Variants in CNTN4 observed in about 807,000 individuals in gnomAD.
CNTN4 encodes contactin 4.
Under a neutral mutation model 122.5 loss-of-function variants are expected in CNTN4, and 77 were observed. The observed-to-expected ratio is 0.63, with a 90% confidence interval of 0.52 to 0.76. CNTN4 has a LOEUF of 0.76. Among genes scored for constraint, CNTN4 ranks in the 30% least tolerant of loss-of-function variants. CNTN4 has a pLI of 0.00. For synonymous variants in CNTN4, 512 were observed against 447.0 expected, an observed-to-expected ratio of 1.15 and a Z score of -1.83; for missense variants, 1,256 against 1,259.1, an observed-to-expected ratio of 1.00 and a Z score of 0.04.
intron 2 of CNTN4, among the ~76,000 whole-genome samples, chr3:2,247,353 G>A (rs1255884516): frequency 6.6e-6 from 1 of 152,078 alleles, no homozygotes; most frequent in Admixed American, 6.6e-5. Context: ...ACTTTTCTGT[G>A]CTTGGTTGGT....
chr3:2,655,503 T>G (rs9942085), intron 4 of CNTN4, among the ~76,000 whole-genome samples: 37,641 of 152,048 alleles, frequency 0.25, 5,036 homozygotes, highest in African/African-American at 0.35. Flanking sequence ...GCATTATCTC[T>G]CATTCATCTA....
At chr3:2,879,310 C>CA (rs965655408) in intron 8 of CNTN4, among the ~76,000 whole-genome samples, 23 of 152,088 alleles carry the variant, frequency 1.5e-4, no homozygotes, top group Non-Finnish European at 3.1e-4. Context: ...AGGATTCTGC[C>CA]CAGAGTCTCA....
At chr3:3,023,188 G>A (rs138603187) in intron 14 of CNTN4, among the ~76,000 whole-genome samples, 1 of 152,242 alleles carries the variant, frequency 6.6e-6, no homozygotes, top group African/African-American at 2.4e-5. Flanking sequence ...AAACCAAGTC[G>A]CTAATGAGAT....
chr3:2,705,330 T>G (rs1416540748), intron 4 of CNTN4, among the ~76,000 whole-genome samples: 1 of 137,892 alleles, frequency 7.3e-6, no homozygotes, highest in Non-Finnish European at 1.5e-5. Context: ...ATTGTGCCAC[T>G]GCACTCCAGC....
At chr3:2,804,414 T>A (rs1180878459) in intron 6 of CNTN4, among the ~76,000 whole-genome samples, 1 of 152,222 alleles carries the variant, frequency 6.6e-6, no homozygotes, top group Non-Finnish European at 1.5e-5. Context: ...TTGAGCAAAT[T>A]ATTTTGCTGT....
Position 2,270,241 on chromosome 3 carries a change from G to C in CNTN4, c.-144-68937G>C, listed in dbSNP as rs185571654. Among the ~76,000 whole-genome samples the C allele has an allele frequency of 5.4e-5, 2 of 36,832 alleles. 1 individual carries two copies. Among genetic ancestry groups the C allele is most frequent in the South Asian group, 3.0e-3 (2 of 674 alleles). 24.2% of individuals were successfully genotyped at this position (36,832 alleles called of 152,430 possible). A position where few individuals can be genotyped will look rare whatever the true frequency, so the allele number is the denominator to read the frequency against. On this transcript the variant is annotated intron_variant, in intron 2 of 24. Coordinates refer to ENST00000418658, the MANE Select transcript of CNTN4 (RefSeq NM_175607.3). ...TGGGATTACAGGCGTGAGCCACCGC[G>C]CCCGGCCTATTTATTTATTTACTTT...
At chr3:2,277,161 T>C (rs2041544747) in intron 2 of CNTN4, among the ~76,000 whole-genome samples, 1 of 152,166 alleles carries the variant, frequency 6.6e-6, no homozygotes, top group African/African-American at 2.4e-5. Context: ...TTAAAGGCTA[T>C]AAGAGTTCAT....
intron 6 of CNTN4, among the ~76,000 whole-genome samples, chr3:2,761,020 G>A (rs114999667): frequency 0.028 from 4,291 of 152,204 alleles, 98 homozygotes; most frequent in Non-Finnish European, 0.04. Context: ...TAAGCAAGAG[G>A]ACCATTTAAC....
intron 3 of CNTN4, among the ~76,000 whole-genome samples, chr3:2,504,743 A>G (rs528753492): frequency 1.3e-3 from 192 of 152,338 alleles, no homozygotes; most frequent in Middle Eastern, 6.8e-3. Flanking sequence ...AATTGACCAT[A>G]CCTTCCTCCT....
intron 2 of CNTN4, among the ~76,000 whole-genome samples, chr3:2,327,979 A>G (rs1191743639): frequency 6.6e-6 from 1 of 152,182 alleles, no homozygotes; most frequent in Non-Finnish European, 1.5e-5. Flanking sequence ...AGGAGTCCTG[A>G]CTTATACCCA....
chr3:3,003,680 G>A (rs11918788), intron 14 of CNTN4, among the ~76,000 whole-genome samples: 16,726 of 96,456 alleles, frequency 0.17, 1,811 homozygotes, highest in African/African-American at 0.36. Context: ...AGTCATGGTT[G>A]CACCAAAAAA....
rs1463686878 is a variant in CNTN4 at position 2,282,350 on chromosome 3, ACC to A, written c.-144-56827_-144-56826del. ...TCCTTAAAATAAGCATATATAAATG[ACC>A]TTTAATGTATACAGCATGCATTTTT... On this transcript the variant is annotated intron_variant, in intron 2 of 24. Coordinates refer to ENST00000418658, the MANE Select transcript of CNTN4 (RefSeq NM_175607.3). Among the ~76,000 whole-genome samples, 43 of 150,346 alleles carry A rather than the reference ACC, an allele frequency of 2.9e-4. 1 individual carries two copies. The South Asian group carries it at 8.3e-3, about 29-fold the overall frequency.
chr3:2,161,001 T>C (rs2035943571), intron 2 of CNTN4, among the ~76,000 whole-genome samples: 1 of 152,118 alleles, frequency 6.6e-6, no homozygotes, highest in Admixed American at 6.5e-5. Context: ...CTTATGGTTG[T>C]GTTCAGTGGT....
chr3:2,202,476 C>G (rs2038144732), intron 2 of CNTN4, among the ~76,000 whole-genome samples: 1 of 152,112 alleles, frequency 6.6e-6, no homozygotes, highest in Non-Finnish European at 1.5e-5. Flanking sequence ...CAATTTGTAA[C>G]TGGATTTGAA....
intron 6 of CNTN4, among the ~76,000 whole-genome samples, chr3:2,770,682 G>T (rs2091059354): frequency 6.6e-6 from 1 of 152,248 alleles, no homozygotes; most frequent in South Asian, 2.1e-4. Context: ...AGTGGACCAG[G>T]CTGAGCAAAG....
At chr3:2,161,034 T>C (rs1483060255) in intron 2 of CNTN4, among the ~76,000 whole-genome samples, 1 of 152,108 alleles carries the variant, frequency 6.6e-6, no homozygotes, top group Non-Finnish European at 1.5e-5. Context: ...CCAAGTGCTA[T>C]GAGTGAGTAA....
At chr3:2,251,722 A>G (rs2040386560) in intron 2 of CNTN4, among the ~76,000 whole-genome samples, 1 of 151,656 alleles carries the variant, frequency 6.6e-6, no homozygotes. Context: ...TTGATTTAGT[A>G]TTACTTCTTT....
intron 3 of CNTN4, among the ~76,000 whole-genome samples, chr3:2,505,499 C>G (rs1406562200): frequency 6.6e-6 from 1 of 152,278 alleles, no homozygotes; most frequent in Non-Finnish European, 1.5e-5. Context: ...TCCTGCCCAA[C>G]AGTTTCAAAG....
At chr3:2,174,299 T>C (rs1005997834) in intron 2 of CNTN4, among the ~76,000 whole-genome samples, 2 of 152,222 alleles carry the variant, frequency 1.3e-5, no homozygotes, top group African/African-American at 4.8e-5. Context: ...ATTTCTTTTC[T>C]TATAAATATG....
Sources: allele counts gnomAD v4.1 joint callset (sites outside exome capture counted in the v4.1 genomes callset), GRCh38; gene constraint gnomAD v4.1.1; transcripts MANE v1.5; gene names NCBI Gene and HGNC (gene_info 2026-07-23, HGNC 2026-07-21).